PRIMA1: variants seen among roughly 807,000 people sequenced by gnomAD.
The protein encoded by PRIMA1 is proline-rich membrane anchor 1.
Under a neutral mutation model 17.5 loss-of-function variants are expected in PRIMA1, and 7 were observed. The ratio of observed to expected loss-of-function variants is 0.40; its 90% confidence interval spans 0.23 to 0.75. The LOEUF (loss-of-function observed/expected upper bound fraction) is 0.75. Ranked by LOEUF, PRIMA1 falls within the 30% of genes least tolerant of loss-of-function variation. The pLI is 0.37. For synonymous variants in PRIMA1, 97 were observed against 77.9 expected (o/e 1.25, Z -1.29); for missense variants, 200 against 201.8 (o/e 0.99, Z 0.05).
chr14:93,761,774 T>A (rs1415499746), intron 3 of PRIMA1, among the ~76,000 whole-genome samples: 1 of 152,164 alleles, frequency 6.6e-6, no homozygotes, highest in Non-Finnish European at 1.5e-5. Flanking sequence ...ACTGAGTGAA[T>A]AAATGACTGA....
chr14:93,770,900 G>A (rs957961831), intron 3 of PRIMA1, among the ~76,000 whole-genome samples: 1 of 152,186 alleles, frequency 6.6e-6, no homozygotes, highest in African/African-American at 2.4e-5. Context: ...TGCCAGGCAC[G>A]TGCTAAATAT....
intron 4 of PRIMA1, among the ~76,000 whole-genome samples, chr14:93,733,868 C>A (rs889339384): frequency 9.9e-5 from 15 of 152,210 alleles, no homozygotes; most frequent in African/African-American, 3.6e-4. Flanking sequence ...AGGATGCTAT[C>A]TCTTACAGCC....
chr14:93,759,491 G>T (rs774601240), intron 3 of PRIMA1, among the ~76,000 whole-genome samples: 8 of 152,058 alleles, frequency 5.3e-5, no homozygotes, highest in Non-Finnish European at 1.0e-4. Flanking sequence ...GTGTGTGCGC[G>T]TGCATGTGTG....
At chr14:93,735,749 TG>T (rs1169529225) in intron 4 of PRIMA1, among the ~76,000 whole-genome samples, 2 of 149,552 alleles carry the variant, frequency 1.3e-5, no homozygotes, top group Non-Finnish European at 3.0e-5. Flanking sequence ...TGGAGTGCAG[TG>T]GTGTGCTCTC....
intron 3 of PRIMA1, among the ~76,000 whole-genome samples, chr14:93,774,925 C>T (rs558392163): frequency 1.3e-5 from 2 of 152,356 alleles, no homozygotes; most frequent in South Asian, 2.1e-4. Context: ...GGTTAACCGG[C>T]TCTCTTAAAA....
At chr14:93,786,274 T>A (rs1448817974) in intron 2 of PRIMA1, among the ~76,000 whole-genome samples, 1 of 152,230 alleles carries the variant, frequency 6.6e-6, no homozygotes, top group Non-Finnish European at 1.5e-5. Context: ...CTGAGTTTAA[T>A]AACTGCTGTT....
intron 3 of PRIMA1, among the ~76,000 whole-genome samples, chr14:93,751,055 C>T (rs962287927): frequency 2.6e-5 from 4 of 152,248 alleles, no homozygotes; most frequent in Admixed American, 2.0e-4. Flanking sequence ...ACAACATTCC[C>T]TGGAAGGCTC....
intron 3 of PRIMA1, among the ~76,000 whole-genome samples, chr14:93,744,318 T>C (rs11160138): frequency 0.81 from 122,372 of 151,858 alleles, 50,638 homozygotes; most frequent in Middle Eastern, 0.92. Context: ...CGGTGCCTGC[T>C]CCCACACCGG....
intron 2 of PRIMA1, among the ~76,000 whole-genome samples, chr14:93,781,509 A>G (rs1031015216): frequency 2.0e-5 from 3 of 152,238 alleles, no homozygotes; most frequent in African/African-American, 7.2e-5. Context: ...CCAAGGTGCA[A>G]TCTATGAGAG....
At chr14:93,787,031 C>A (rs918729184) in intron 2 of PRIMA1, among the ~76,000 whole-genome samples, 3 of 150,888 alleles carry the variant, frequency 2.0e-5, no homozygotes, top group Admixed American at 1.3e-4. Context: ...CTGGGGGGGA[C>A]TAGGGACCAC....
At chr14:93,736,530 G>A (rs565619162) in intron 4 of PRIMA1, among the ~76,000 whole-genome samples, 10 of 152,344 alleles carry the variant, frequency 6.6e-5, no homozygotes, top group African/African-American at 2.4e-4. Flanking sequence ...GGTGGCAGAT[G>A]CCCAGGACAT....
chr14:93,734,839 A>T (rs1256557212), intron 4 of PRIMA1, among the ~76,000 whole-genome samples: 1 of 149,234 alleles, frequency 6.7e-6, no homozygotes, highest in Admixed American at 6.8e-5. Context: ...GTGCTAACAG[A>T]CCCAGGAGCC....
intron 3 of PRIMA1, among the ~76,000 whole-genome samples, chr14:93,743,677 G>GTTTCTCTGGT (rs1361465500): frequency 6.6e-6 from 1 of 152,234 alleles, no homozygotes. Flanking sequence ...GCTGGGAGTT[G>GTTTCTCTGGT]TTTCTCTGTC....
intron 3 of PRIMA1, among the ~76,000 whole-genome samples, chr14:93,777,552 G>A (rs1018244683): frequency 6.6e-6 from 1 of 152,052 alleles, no homozygotes; most frequent in African/African-American, 2.4e-5. Flanking sequence ...TGGCCAGGCT[G>A]GTCTCGAACT....
At chr14:93,759,590 A>T (rs1332683467) in intron 3 of PRIMA1, among the ~76,000 whole-genome samples, 1 of 152,156 alleles carries the variant, frequency 6.6e-6, no homozygotes, top group Non-Finnish European at 1.5e-5. Context: ...AAAAGAGAGC[A>T]TGACGGAGAG....
In PRIMA1 at chr14:93,719,308, G is replaced by C. The variant is rs867647742; in HGVS notation, c.*2136C>G. 1 of 152,212 alleles carries C rather than the reference G, an allele frequency of 6.6e-6. No individual in the cohort carries two copies. Among genetic ancestry groups the C allele is most frequent in the Non-Finnish European group, 1.5e-5 (1 of 68,042 alleles). The allele number at this position is 152,212 out of a possible 1,614,324, so 9.4% of individuals were successfully genotyped here. On this transcript the variant is annotated 3_prime_UTR_variant, in exon 5 of 5. Transcript: ENST00000393140. ...AAGATTAGGCTAACTGCAAAATCCAGGCCTCCTAGGTTTAAGCCAAGGTAG... is the reference window on the plus strand; with the variant it reads ...AAGATTAGGCTAACTGCAAAATCCACGCCTCCTAGGTTTAAGCCAAGGTAG...
At chr14:93,772,700 G>C (rs1885104447) in intron 3 of PRIMA1, among the ~76,000 whole-genome samples, 1 of 152,240 alleles carries the variant, frequency 6.6e-6, no homozygotes, top group African/African-American at 2.4e-5. Context: ...TGCCTGGCAA[G>C]GGCTGCCCAG....
chr14:93,777,540 G>A (rs1285716112), intron 3 of PRIMA1, among the ~76,000 whole-genome samples: 1 of 152,098 alleles, frequency 6.6e-6, no homozygotes, highest in African/African-American at 2.4e-5. Flanking sequence ...GTTTCACCAT[G>A]TTGGCCAGGC....
rs1352997941 is a variant in PRIMA1, at chr14:93,726,211, A to T, written c.360-4665T>A. 3.9e-5 allele frequency among the ~76,000 whole-genome samples: 6 copies of T among 152,114 alleles called. No individual in the cohort carries two copies. The highest frequency in any genetic ancestry group is 1.4e-4 in the African/African-American group (6 of 41,428). ...GCAGCCACGAGGGGCCCCTGCAGAAACTGTGCCTCCACCGGCATCTTTGGC... is the reference window on the plus strand; with the variant it reads ...GCAGCCACGAGGGGCCCCTGCAGAATCTGTGCCTCCACCGGCATCTTTGGC... On this transcript the variant is annotated intron_variant, in intron 4 of 4. Coordinates refer to ENST00000393140, the MANE Select transcript of PRIMA1 (RefSeq NM_178013.4). This position sits in a 1 kb window ranked among gnomAD's most constrained non-coding sequence, Gnocchi z 4.2.
Sources: gnomAD v4.1 joint callset for allele counts (sites outside exome capture counted in the v4.1 genomes callset) on GRCh38, gnomAD v4.1.1 for gene constraint, Gnocchi (gnomAD v3.1) non-coding constraint, MANE v1.5 for transcripts, NCBI Gene and HGNC (gene_info 2026-07-23, HGNC 2026-07-21) for gene names.